Variants in SF3B6 observed in about 807,000 individuals in gnomAD.
The protein encoded by SF3B6 is SF3b 14 kDa subunit.
SF3B6 carries 3 observed loss-of-function variants against 15.9 expected under a neutral mutation model. The ratio of observed to expected loss-of-function variants is 0.19; its 90% CI spans 0.09 to 0.49. SF3B6 has a LOEUF of 0.49. Among genes scored for constraint, SF3B6 ranks in the 20% least tolerant of loss-of-function variants. SF3B6 has a pLI of 0.97. For synonymous variants in SF3B6, 49 were observed against 51.1 expected, an observed-to-expected ratio of 0.96 and a Z score of 0.18; for missense variants, 71 against 154.3, an observed-to-expected ratio of 0.46 and a Z score of 2.86.
chr2:24,067,876 T>C (rs746522154), intron 3 of SF3B6, 25 bp from the exon 4 acceptor site: 1 of 1,592,102 alleles, frequency 6.3e-7, no homozygotes, highest in Non-Finnish European at 8.6e-7. Flanking sequence ...AGCACCAAAA[T>C]TAAATTACCA....
rs777344589 is a variant in SF3B6 at position 24,074,170 on chromosome 2, G to C, written c.55C>G (p.Arg19Gly). 9 of 1,597,410 alleles carry C rather than the reference G, an allele frequency of 5.6e-6. No individual in the cohort carries two copies. In the Admixed American group the frequency reaches 1.5e-4, roughly 27 times the overall value. Residue 19 changes from arginine (R) to glycine (G), a missense_variant, in exon 2 of 4, where the codon CGG becomes GGG. Transcript: ENST00000233468. ...GGCAAATTTCTTATATACAATATCC[G>C]ATTTACTTCAGGTGGAAGTCGAATC... ...ANIRLPPEVNRILYIRNLPYK... is the reference protein window; with the variant it reads ...ANIRLPPEVNGILYIRNLPYK...
chr2:24,073,898 A>T, intron 2 of SF3B6, 178 bp downstream of exon 2: 1 of 532,740 alleles, frequency 1.9e-6, no homozygotes, highest in Non-Finnish European at 3.3e-6. Flanking sequence ...TTAGGGTCTC[A>T]GTAGGTTTTC....
chr2:24,073,120 G>C (rs1212788587), intron 2 of SF3B6, among the ~76,000 whole-genome samples: 1 of 152,158 alleles, frequency 6.6e-6, no homozygotes, highest in South Asian at 2.1e-4. Flanking sequence ...ACTCTCTGGA[G>C]GGACAGTGTC....
intron 2 of SF3B6, among the ~76,000 whole-genome samples, chr2:24,069,782 G>A (rs368253581): frequency 8.3e-4 from 127 of 152,282 alleles, no homozygotes; most frequent in African/African-American, 2.9e-3. Context: ...CGCTCACTTT[G>A]TCAGGTTGTG....
At chr2:24,074,996 G>A (rs1242877754) in intron 1 of SF3B6, among the ~76,000 whole-genome samples, 1 of 152,150 alleles carries the variant, frequency 6.6e-6, no homozygotes, top group Non-Finnish European at 1.5e-5. Flanking sequence ...GGGCATGGTG[G>A]TGGGCACCTG....
intron 3 of SF3B6, 32 bp from the exon 4 acceptor site, chr2:24,067,883 A>G (rs372754559): frequency 1.9e-6 from 3 of 1,573,202 alleles, no homozygotes; most frequent in Non-Finnish European, 2.6e-6. Flanking sequence ...AAATTAAATT[A>G]CCAATCTACA....
intron 2 of SF3B6, among the ~76,000 whole-genome samples, chr2:24,069,466 C>T (rs1185794969): frequency 6.6e-6 from 1 of 152,164 alleles, no homozygotes; most frequent in East Asian, 1.9e-4. Flanking sequence ...TTAGTGGAGA[C>T]AATGGGTAGA....
At chr2:24,069,955 A>G (rs1357469994) in intron 2 of SF3B6, among the ~76,000 whole-genome samples, 1 of 152,218 alleles carries the variant, frequency 6.6e-6, no homozygotes, top group South Asian at 2.1e-4. Flanking sequence ...CATAAGGCAG[A>G]CGCTAATACG....
At chr2:24,074,250 ATTTAAATGCCCCTATAATTAGGGGCAT>A (rs1020650862) in intron 1 of SF3B6, 56 bp from the exon 2 acceptor site, 1 of 873,762 alleles carries the variant, frequency 1.1e-6, no homozygotes, top group Non-Finnish European at 1.8e-6. Context: ...AAAAATTATA[ATTTAAATGCCCCTATAATTAGGGGCAT>A]TTTAAAAAAT....
intron 2 of SF3B6, among the ~76,000 whole-genome samples, chr2:24,072,118 T>C (rs1049468414): frequency 2.0e-5 from 3 of 152,128 alleles, no homozygotes; most frequent in Admixed American, 6.5e-5. Context: ...TCCTGAGTAA[T>C]TGCATTACAG....
intron 2 of SF3B6, among the ~76,000 whole-genome samples, chr2:24,069,680 T>C (rs748290611): frequency 4.6e-5 from 7 of 152,160 alleles, no homozygotes; most frequent in Non-Finnish European, 8.8e-5. Context: ...GATAGGACTA[T>C]AGTCTGGGCC....
Position 24,076,288 on chromosome 2 carries a change from G to C in SF3B6, c.-59C>G. ...CTGAAATTCCTCCGGAGCTCGCTCG[G>C]CTTCGGGGGTTACACCGCGTTAGAT... On this transcript the variant is annotated 5_prime_UTR_variant, in exon 1 of 4. Transcript: ENST00000233468. 1.2e-6 allele frequency: 2 copies of C among 1,607,098 alleles called. No individual in the cohort carries two copies. Among genetic ancestry groups the C allele is most frequent in the Non-Finnish European group, 1.7e-6 (2 of 1,173,502 alleles).
Position 24,067,730 on chromosome 2 carries a change from G to C in SF3B6, c.*32C>G. 6.5e-7 allele frequency: 1 copy of C among 1,548,600 alleles called. No individual in the cohort carries two copies. The highest frequency in any genetic ancestry group is 8.9e-7 in the Non-Finnish European group (1 of 1,129,592). ...AAAAAGGTGGTAGTTGTCATTCGTGGGATTTAGTCCAAATGAAAATGTAGA... is the reference window on the plus strand; with the variant it reads ...AAAAAGGTGGTAGTTGTCATTCGTGCGATTTAGTCCAAATGAAAATGTAGA... On this transcript the variant is annotated 3_prime_UTR_variant, in exon 4 of 4. Coordinates refer to ENST00000233468, the MANE Select transcript of SF3B6 (RefSeq NM_016047.4).
rs36188791 is a variant in SF3B6, at chr2:24,075,333, T to TTTTC, written c.30+863_30+866dup. Reference sequence around the variant, plus strand: ...CATATACAATGGTCAATTGCTTGTCTTTTCTTTCTTTCTTTCTTTCTTTCT... The same window carrying TTTTC: ...CATATACAATGGTCAATTGCTTGTCTTTTCTTTCTTTCTTTCTTTCTTTCTTTCT... On this transcript the variant is annotated intron_variant, in intron 1 of 3. Coordinates refer to ENST00000233468, the MANE Select transcript of SF3B6 (RefSeq NM_016047.4). Among the ~76,000 whole-genome samples, 1,191 of 132,434 alleles carry TTTTC rather than the reference T, an allele frequency of 9.0e-3. 26 individuals carry two copies. Among genetic ancestry groups the TTTTC allele is most frequent in the African/African-American group, 0.03 (1,101 of 36,126 alleles). The allele number at this position is 132,434 out of a possible 152,430, so 86.9% of individuals were successfully genotyped here.
At chr2:24,067,969 A>G in intron 3 of SF3B6, 118 bp from the exon 4 acceptor site, 1 of 835,424 alleles carries the variant, frequency 1.2e-6, no homozygotes, top group Non-Finnish European at 2.0e-6. Context: ...GTACAGTTCT[A>G]CACTAATTCT....
At chr2:24,068,204 C>G in intron 3 of SF3B6, 117 bp downstream of exon 3, 1 of 966,326 alleles carries the variant, frequency 1.0e-6, no homozygotes, top group South Asian at 1.6e-5. Context: ...ACCTCGTGAT[C>G]CGCCCACCTC....
chr2:24,068,078 C>T (rs910418651), intron 3 of SF3B6, among the ~76,000 whole-genome samples: 4 of 152,190 alleles, frequency 2.6e-5, no homozygotes, highest in African/African-American at 7.2e-5. Flanking sequence ...ATTCTCCTGC[C>T]TCAGCCTCCC....
Position 24,067,734 on chromosome 2 carries a change from T to G in SF3B6, c.*28A>C, listed in dbSNP as rs1378221408. 6.4e-7 allele frequency: 1 copy of G among 1,572,490 alleles called. No individual in the cohort carries two copies. Among genetic ancestry groups the G allele is most frequent in the Non-Finnish European group, 8.7e-7 (1 of 1,146,206 alleles). Reference sequence around the variant, plus strand: ...AGGTGGTAGTTGTCATTCGTGGGATTTAGTCCAAATGAAAATGTAGAAAAC... The same window carrying G: ...AGGTGGTAGTTGTCATTCGTGGGATGTAGTCCAAATGAAAATGTAGAAAAC... On this transcript the variant is annotated 3_prime_UTR_variant, in exon 4 of 4. Coordinates refer to ENST00000233468, the MANE Select transcript of SF3B6 (RefSeq NM_016047.4).
chr2:24,067,887 A>T, intron 3 of SF3B6, 36 bp from the exon 4 acceptor site: 2 of 1,556,620 alleles, frequency 1.3e-6, no homozygotes, highest in Non-Finnish European at 1.8e-6. Context: ...TAAATTACCA[A>T]TCTACAGCCA....
Sources: gnomAD v4.1 joint callset for allele counts (sites outside exome capture counted in the v4.1 genomes callset) on GRCh38, gnomAD v4.1.1 for gene constraint, MANE v1.5 for transcripts, NCBI Gene and HGNC (gene_info 2026-07-23, HGNC 2026-07-21) for gene names.